Variants in BCAT1 observed in about 807,000 individuals in gnomAD.
The protein encoded by BCAT1 is branched chain amino acid transaminase 1, also known as branched-chain-amino-acid aminotransferase, cytosolic.
Under a neutral mutation model 52.4 loss-of-function variants are expected in BCAT1, and 48 were observed. That is an observed-to-expected ratio of 0.92 (90% CI 0.73 to 1.16). The LOEUF (loss-of-function observed/expected upper bound fraction) is 1.16. Ranked by LOEUF, BCAT1 falls within the 50% of genes most tolerant of loss-of-function variation. The probability of loss-of-function intolerance (pLI) is 0.00; values close to 1 mark genes in which losing one functional copy is unlikely to be tolerated. For synonymous variants in BCAT1, 167 were observed against 161.3 expected, an observed-to-expected ratio of 1.04 and a Z score of -0.27; for missense variants, 451 against 457.1, an observed-to-expected ratio of 0.99 and a Z score of 0.12.
chr12:24,853,534 A>T (rs527485765), intron 5 of BCAT1, among the ~76,000 whole-genome samples: 19 of 152,296 alleles, frequency 1.2e-4, no homozygotes, highest in African/African-American at 4.6e-4. Context: ...TAGAAGCTAA[A>T]ATCTTTGTAT....
In BCAT1 at chr12:24,816,462, C is replaced by T. The variant is rs917934892; in HGVS notation, c.*1546G>A. The T allele has an allele frequency of 2.5e-6, 1 of 397,686 alleles. No homozygotes were observed. The highest frequency in any genetic ancestry group is 4.4e-6 in the Non-Finnish European group (1 of 225,640). The allele number at this position is 397,686 out of a possible 1,614,324, so 24.6% of individuals were successfully genotyped here. On this transcript the variant is annotated 3_prime_UTR_variant, in exon 11 of 11. Transcript: ENST00000261192. Reference sequence around the variant, plus strand: ...ACAATTTTAACTCACAGCTCCTAAACAAGGAAAATATCACCCATAGTAGCT... The same window carrying T: ...ACAATTTTAACTCACAGCTCCTAAATAAGGAAAATATCACCCATAGTAGCT...
chr12:24,946,062 T>C (rs1943929255), intron 1 of BCAT1, among the ~76,000 whole-genome samples: 1 of 152,108 alleles, frequency 6.6e-6, no homozygotes, highest in Non-Finnish European at 1.5e-5. Flanking sequence ...CAACTTCCTA[T>C]ACCAGTTGAG....
chr12:24,902,691 G>T (rs904993865), intron 1 of BCAT1: 4 of 538,882 alleles, frequency 7.4e-6, no homozygotes, highest in African/African-American at 4.0e-5. Flanking sequence ...TCCTCGCCAC[G>T]CTCCGGAGCG....
At position 24,877,425 on chromosome 12, in the gene BCAT1, G is replaced by A. The variant is rs914880627; in HGVS notation, c.510+1105C>T. ...GGTCTTCATATAAACATACTCGTCC[G>A]CTCAAAAGGCCTTGGCCCCTCCAGG... On this transcript the variant is annotated intron_variant, in intron 5 of 10. Transcript: ENST00000261192. Among the ~76,000 whole-genome samples the A allele has an allele frequency of 3.9e-5, 6 of 152,172 alleles. No individual in the cohort carries two copies. The East Asian group carries it at 7.7e-4, about 20-fold the overall frequency.
At chr12:24,899,829 G>A (rs1297873009) in intron 2 of BCAT1, among the ~76,000 whole-genome samples, 1 of 137,544 alleles carries the variant, frequency 7.3e-6, no homozygotes, top group Non-Finnish European at 1.6e-5. Context: ...ACTCATACGT[G>A]AGAGCTAAAA....
At chr12:24,819,273 T>G (rs2139309097) in intron 10 of BCAT1, among the ~76,000 whole-genome samples, 1 of 152,268 alleles carries the variant, frequency 6.6e-6, no homozygotes, top group East Asian at 1.9e-4. Flanking sequence ...TGGGTTTGCC[T>G]AAATCACTCA....
At chr12:24,938,761 C>A (rs1943805549) in intron 1 of BCAT1, among the ~76,000 whole-genome samples, 1 of 152,088 alleles carries the variant, frequency 6.6e-6, no homozygotes, top group Non-Finnish European at 1.5e-5. Context: ...TGTCACCTCC[C>A]AATAAAGCCT....
intron 5 of BCAT1, among the ~76,000 whole-genome samples, chr12:24,868,103 C>G (rs1214234770): frequency 2.0e-5 from 3 of 152,200 alleles, no homozygotes; most frequent in African/African-American, 7.2e-5. Context: ...CAATGCAACT[C>G]ATGGCAGGAG....
intron 4 of BCAT1, among the ~76,000 whole-genome samples, chr12:24,879,998 C>G (rs1169973087): frequency 6.6e-6 from 1 of 152,192 alleles, no homozygotes; most frequent in Non-Finnish European, 1.5e-5. Context: ...AAGAGCGAAA[C>G]TATGCCCTAG....
At chr12:24,944,982 C>T (rs1368590418) in intron 1 of BCAT1, among the ~76,000 whole-genome samples, 2 of 152,228 alleles carry the variant, frequency 1.3e-5, no homozygotes, top group East Asian at 3.9e-4. Flanking sequence ...AATAGTCTTT[C>T]CCACCAAAAA....
At position 24,894,385 on chromosome 12, in the gene BCAT1, T is replaced by C; in HGVS notation, c.169A>G (p.Met57Val). Residue 57 changes from methionine to valine, a missense_variant, in exon 3 of 11, where the codon ATG becomes GTG. Physicochemically the swap from Met to Val is conservative, Grantham distance 21 (BLOSUM62 1). Transcript: ENST00000261192. ...LVFGTVFTDH[M>V]LTVEWSSEFG... ...TCTGAGGACCACTCCACCGTCAGCA[T>C]ATGATCCGTGAACACAGTTCCAAAA... 1.2e-6 allele frequency: 2 copies of C among 1,613,824 alleles called. No homozygotes were observed. Among genetic ancestry groups the C allele is most frequent in the South Asian group, 1.1e-5 (1 of 91,002 alleles).
At chr12:24,891,266 T>C (rs1942830058) in intron 3 of BCAT1, among the ~76,000 whole-genome samples, 1 of 151,914 alleles carries the variant, frequency 6.6e-6, no homozygotes, top group Non-Finnish European at 1.5e-5. Context: ...ACTCCTTGAG[T>C]TTTGCAGCCC....
intron 1 of BCAT1, 145 bp from the exon 2 acceptor site, chr12:24,902,030 C>T (rs961583811): frequency 6.4e-6 from 10 of 1,563,780 alleles, no homozygotes; most frequent in Non-Finnish European, 8.6e-6. Flanking sequence ...CAACCAAGCA[C>T]CCAGGCCCGA....
intron 3 of BCAT1, 80 bp from the exon 4 acceptor site, chr12:24,881,491 C>T (rs1039762137): frequency 2.7e-5 from 23 of 867,238 alleles, no homozygotes; most frequent in Admixed American, 1.2e-4. Flanking sequence ...TTCCTATGGG[C>T]GTTCATCTTA....
At chr12:24,933,102 G>A (rs4963825) in intron 1 of BCAT1, among the ~76,000 whole-genome samples, 3 of 127,724 alleles carry the variant, frequency 2.3e-5, no homozygotes, top group East Asian at 4.6e-4. Flanking sequence ...GAGCCACCAC[G>A]CCTGGCCTTT....
At chr12:24,886,566 G>A (rs1176629110) in intron 3 of BCAT1, among the ~76,000 whole-genome samples, 4 of 152,146 alleles carry the variant, frequency 2.6e-5, no homozygotes, top group Admixed American at 6.5e-5. Flanking sequence ...ACTTAAGTAT[G>A]TAAAAGCACT....
intron 3 of BCAT1, among the ~76,000 whole-genome samples, chr12:24,890,533 G>A (rs555944587): frequency 2.6e-5 from 4 of 152,208 alleles, no homozygotes; most frequent in Non-Finnish European, 4.4e-5. Flanking sequence ...ATGTCTGGCC[G>A]TCCTCGCTGC....
intron 10 of BCAT1, among the ~76,000 whole-genome samples, chr12:24,820,894 A>G (rs897242321): frequency 1.6e-4 from 25 of 152,110 alleles, no homozygotes; most frequent in Non-Finnish European, 3.2e-4. Flanking sequence ...CAGTCACTCT[A>G]CGCAACGCCA....
Position 24,948,983 on chromosome 12 carries a change from A to G in BCAT1, c.-51T>C, listed in dbSNP as rs1278817781. ...CGAGCTGAGCGGAGGGCAGATCCCA[A>G]GGGTCGTAGCCCCTGGCCGTGTGGA... On this transcript the variant is annotated 5_prime_UTR_variant, in exon 1 of 11. Transcript: ENST00000261192. 7.0e-6 allele frequency: 11 copies of G among 1,573,770 alleles called. No homozygotes were observed. The highest frequency in any genetic ancestry group is 9.5e-6 in the Non-Finnish European group (11 of 1,158,544).
Sources: gnomAD v4.1 joint callset for allele counts (sites outside exome capture counted in the v4.1 genomes callset) on GRCh38, gnomAD v4.1.1 for gene constraint, MANE v1.5 for transcripts, NCBI Gene and HGNC (gene_info 2026-07-23, HGNC 2026-07-21) for gene names.